Variants in MAST3 observed in about 807,000 individuals in gnomAD.
The protein encoded by MAST3 is microtubule-associated serine/threonine-protein kinase 3.
Under a neutral mutation model 127.0 loss-of-function variants are expected in MAST3, and 43 were observed. The ratio of observed to expected loss-of-function variants is 0.34; its 90% confidence interval spans 0.27 to 0.44. The LOEUF is 0.44. Among genes scored for constraint, MAST3 ranks in the 20% least tolerant of loss-of-function variants. The pLI, the probability that MAST3 is intolerant of heterozygous loss-of-function variation, is 1.00. For synonymous variants in MAST3, 785 were observed against 809.2 expected (o/e 0.97, Z 0.51); for missense variants, 1,390 against 1,919.1 (o/e 0.72, Z 5.15).
intron 21 of MAST3, 68 bp from the exon 22 acceptor site, chr19:18,143,695 T>C (rs1243839487): frequency 1.3e-6 from 2 of 1,591,870 alleles, no homozygotes; most frequent in Non-Finnish European, 1.7e-6. Flanking sequence ...GATGTGGCCA[T>C]GAAGGTGGCT....
intron 1 of MAST3, chr19:18,098,991 C>A: frequency 3.3e-6 from 1 of 300,992 alleles, no homozygotes; most frequent in Non-Finnish European, 6.8e-6. Context: ...CCAAGGGTGG[C>A]GAGGCATTGC....
rs1021116355 is a variant in MAST3, at chr19:18,149,733, G to A, written c.*7G>A. On this transcript the variant is annotated 3_prime_UTR_variant, in exon 28 of 28. Transcript: ENST00000687212. This position sits in a 1 kb window ranked among gnomAD's most constrained non-coding sequence, Gnocchi z 5.9. The stretch of plus-strand genomic sequence containing the variant: ...GCCCACCGGAAGAGACTGATCCCCT[G>A]CCAGGTCTCTCCCTGGCATCAAAGT... The A allele has an allele frequency of 5.6e-6, 9 of 1,610,802 alleles. No individual in the cohort carries two copies. Among genetic ancestry groups the A allele is most frequent in the Non-Finnish European group, 6.8e-6 (8 of 1,179,284 alleles).
chr19:18,134,516 G>A, intron 15 of MAST3, 63 bp from the exon 16 acceptor site: 1 of 1,543,538 alleles, frequency 6.5e-7, no homozygotes, highest in African/African-American at 1.4e-5. Context: ...AAGGTCTAGG[G>A]CAGAAGGGGA....
rs550469260 is a variant in MAST3 at position 18,145,911 on chromosome 19, T to A, written c.3162+46T>A. On this transcript the variant is annotated intron_variant, in intron 25 of 27. Transcript: ENST00000687212. The surrounding 1 kb of genome is among the most constrained non-coding windows in gnomAD (Gnocchi z 5.9). ...ACCCTCAGGGCTCCCCAGCACCCCTTGGCCGCAGCTCCCGGTTCCCCGTGG... is the reference window on the plus strand; with the variant it reads ...ACCCTCAGGGCTCCCCAGCACCCCTAGGCCGCAGCTCCCGGTTCCCCGTGG... The A allele has an allele frequency of 1.3e-6, 2 of 1,529,010 alleles. No individual in the cohort carries two copies. The highest frequency in any genetic ancestry group is 2.9e-5 in the African/African-American group (2 of 70,006). 94.7% of individuals were successfully genotyped at this position (1,529,010 alleles called of 1,614,324 possible).
Position 18,110,327 on chromosome 19 carries a change from C to A in MAST3, c.72-325C>A. 1 of 985,560 alleles carries A rather than the reference C, an allele frequency of 1.0e-6. No individual in the cohort carries two copies. Among genetic ancestry groups the A allele is most frequent in the Non-Finnish European group, 1.2e-6 (1 of 830,014 alleles). The allele number at this position is 985,560 out of a possible 1,614,324, so 61.1% of individuals were successfully genotyped here. ...GGCGGCCTCTGCCTCGGCATGAAGTCCCGCAGGGACAAGCTGCACATCCCG... is the reference window on the plus strand; with the variant it reads ...GGCGGCCTCTGCCTCGGCATGAAGTACCGCAGGGACAAGCTGCACATCCCG... On this transcript the variant is annotated intron_variant, in intron 2 of 27. Coordinates refer to ENST00000687212, the MANE Select transcript of MAST3 (RefSeq NM_001393504.1). This position sits in a 1 kb window ranked among gnomAD's most constrained non-coding sequence, Gnocchi z 4.3.
In MAST3 at chr19:18,134,575, A is replaced by G. The variant is rs762460118; in HGVS notation, c.1572-4A>G. Reference sequence around the variant, plus strand: ...CTCTGAGCACACTCCTAACCTGCCCACAGTCTGCTCATCACCTCGCTTGGC... The same window carrying G: ...CTCTGAGCACACTCCTAACCTGCCCGCAGTCTGCTCATCACCTCGCTTGGC... On this transcript the variant is annotated splice_polypyrimidine_tract_variant and splice_region_variant and intron_variant, in intron 15 of 27. Transcript: ENST00000687212. 3.8e-5 allele frequency: 61 copies of G among 1,609,962 alleles called. No individual in the cohort carries two copies. Among genetic ancestry groups the G allele is most frequent in the Non-Finnish European group, 4.8e-5 (57 of 1,177,468 alleles).
intron 3 of MAST3, among the ~76,000 whole-genome samples, chr19:18,118,943 C>A (rs1325974963): frequency 6.6e-6 from 1 of 152,070 alleles, no homozygotes; most frequent in Non-Finnish European, 1.5e-5. Context: ...AGGGCTTAAA[C>A]TTACCTCCAA....
intron 15 of MAST3, among the ~76,000 whole-genome samples, chr19:18,133,549 ATTTTTTTTTTTT>A (rs3048882): frequency 7.6e-5 from 7 of 91,844 alleles, no homozygotes; most frequent in African/African-American, 3.2e-4. Flanking sequence ...CGCCCAGCTA[ATTTTTTTTTTTT>A]TTTTTTTTTT....
chr19:18,105,924 G>C (rs2038037609), intron 1 of MAST3, among the ~76,000 whole-genome samples: 1 of 152,126 alleles, frequency 6.6e-6, no homozygotes, highest in African/African-American at 2.4e-5. Context: ...AGCGAGTGAG[G>C]AGAGAATGGC....
chr19:18,137,487 C>A, intron 19 of MAST3, 126 bp downstream of exon 19: 1 of 1,079,330 alleles, frequency 9.3e-7, no homozygotes, highest in East Asian at 2.5e-5. Context: ...CTGGAGCTTC[C>A]GACTTCCTGA....
At chr19:18,142,550 CCA>C (rs1415741546) in intron 21 of MAST3, among the ~76,000 whole-genome samples, 2 of 150,936 alleles carry the variant, frequency 1.3e-5, no homozygotes, top group African/African-American at 4.9e-5. Context: ...CGGGGTTTTG[CCA>C]TGTTAGCCAG....
In MAST3 at chr19:18,144,613, G is replaced by T; in HGVS notation, c.2732G>T (p.Ser911Ile). The T allele has an allele frequency of 1.2e-6, 2 of 1,611,802 alleles. No homozygotes were observed. The highest frequency in any genetic ancestry group is 8.5e-7 in the Non-Finnish European group (1 of 1,179,788). ...CCTGAGAAGTCCAGAGCCTCCTCCAGCGGTGGCAGTGGTGGCGGCAGTGGG... is the reference window on the plus strand; with the variant it reads ...CCTGAGAAGTCCAGAGCCTCCTCCATCGGTGGCAGTGGTGGCGGCAGTGGG... ...PAPEKSRASSSGGSGGGSGGR... is the reference protein window; with the variant it reads ...PAPEKSRASSIGGSGGGSGGR... Residue 911 changes from serine (S) to isoleucine (I), a missense_variant, in exon 23 of 28, where the codon AGC becomes ATC. Coordinates refer to ENST00000687212, the MANE Select transcript of MAST3 (RefSeq NM_001393504.1). This position sits in a 1 kb window ranked among gnomAD's most constrained non-coding sequence, Gnocchi z 4.0.
chr19:18,111,302 A>G (rs1163167377), intron 3 of MAST3, among the ~76,000 whole-genome samples: 1 of 151,996 alleles, frequency 6.6e-6, no homozygotes, highest in African/African-American at 2.4e-5. Flanking sequence ...GGGGCCAAGC[A>G]TCAGGGACAG....
intron 13 of MAST3, among the ~76,000 whole-genome samples, chr19:18,129,815 C>T (rs547462505): frequency 1.2e-4 from 18 of 151,026 alleles, no homozygotes; most frequent in Admixed American, 3.3e-4. Flanking sequence ...ATTCCAGCTA[C>T]TTGGGAGGCT....
chr19:18,129,016 C>T lies in MAST3; in HGVS notation c.1223+65C>T. On this transcript the variant is annotated intron_variant, in intron 13 of 27. Coordinates refer to ENST00000687212, the MANE Select transcript of MAST3 (RefSeq NM_001393504.1). ...CCTGAGGGGATGGTTGAGGCCCAGG[C>T]AGCTCCTGCATCCCCCTCCTACCCC... 4 of 1,384,750 alleles carry T rather than the reference C, an allele frequency of 2.9e-6. No individual in the cohort carries two copies. In the South Asian group the frequency reaches 4.6e-5, roughly 16 times the overall value. 85.8% of individuals were successfully genotyped at this position (1,384,750 alleles called of 1,614,324 possible). A position where few individuals can be genotyped will look rare whatever the true frequency, so the allele number is the denominator to read the frequency against.
intron 10 of MAST3, 77 bp downstream of exon 10, chr19:18,124,443 C>G: frequency 2.8e-6 from 4 of 1,423,666 alleles, no homozygotes; most frequent in Non-Finnish European, 3.9e-6. Flanking sequence ...TGCCAAGATA[C>G]AGGTGACAGT....
At chr19:18,122,096 C>T in intron 5 of MAST3, 174 bp downstream of exon 5, 1 of 985,316 alleles carries the variant, frequency 1.0e-6, no homozygotes, top group Non-Finnish European at 1.2e-6. Flanking sequence ...CAAATGCATG[C>T]CATCTTGCAG....
At chr19:18,138,430 C>T (rs1224789649) in intron 19 of MAST3, among the ~76,000 whole-genome samples, 1 of 151,968 alleles carries the variant, frequency 6.6e-6, no homozygotes, top group Non-Finnish European at 1.5e-5. Flanking sequence ...AATTATCTGC[C>T]TCAGCCTCCC....
intron 3 of MAST3, among the ~76,000 whole-genome samples, chr19:18,114,260 G>T (rs1370227529): frequency 1.3e-5 from 2 of 150,908 alleles, no homozygotes; most frequent in Non-Finnish European, 2.9e-5. Flanking sequence ...CGATATCTCG[G>T]CTCACTGCAA....
Sources: gnomAD v4.1 joint callset for allele counts (sites outside exome capture counted in the v4.1 genomes callset) on GRCh38, gnomAD v4.1.1 for gene constraint, Gnocchi (gnomAD v3.1) non-coding constraint, MANE v1.5 for transcripts, NCBI Gene and HGNC (gene_info 2026-07-23, HGNC 2026-07-21) for gene names.